The following PTPRO variants were observed in gnomAD, a reference collection of about 807,000 sequenced individuals.
PTPRO encodes receptor-type tyrosine-protein phosphatase O.
In PTPRO, 62 loss-of-function variants were observed where a neutral mutation model predicts 145.2. The ratio of observed to expected loss-of-function variants is 0.43; its 90% confidence interval spans 0.35 to 0.53. The LOEUF (loss-of-function observed/expected upper bound fraction) is 0.53. PTPRO is among the 20% of genes least tolerant of loss of function. PTPRO has a pLI of 0.01. For synonymous variants in PTPRO, 565 were observed against 514.7 expected, an observed-to-expected ratio of 1.10 and a Z score of -1.32; for missense variants, 1,345 against 1,482.7, an observed-to-expected ratio of 0.91 and a Z score of 1.53.
chr12:15,560,809 A>T (rs1943753875), intron 17 of PTPRO, among the ~76,000 whole-genome samples: 1 of 152,116 alleles, frequency 6.6e-6, no homozygotes, highest in Admixed American at 6.6e-5. Flanking sequence ...GTCCCATTTT[A>T]GAAATGTGGA....
chr12:15,332,972 T>C (rs1866655439), intron 1 of PTPRO, among the ~76,000 whole-genome samples: 1 of 152,218 alleles, frequency 6.6e-6, no homozygotes, highest in Non-Finnish European at 1.5e-5. Context: ...TGTTCTGTCC[T>C]CATCCTCCAT....
chr12:15,384,909 G>T (rs928972906), intron 1 of PTPRO, among the ~76,000 whole-genome samples: 1 of 152,102 alleles, frequency 6.6e-6, no homozygotes, highest in South Asian at 2.1e-4. Flanking sequence ...ATTAATGAAC[G>T]CTGAAAGCAT....
intron 1 of PTPRO, among the ~76,000 whole-genome samples, chr12:15,373,269 G>A (rs182700378): frequency 6.6e-6 from 1 of 152,264 alleles, no homozygotes; most frequent in East Asian, 1.9e-4. Flanking sequence ...GATGGTGACA[G>A]CAAATTGTCT....
intron 8 of PTPRO, 81 bp from the exon 9 acceptor site, chr12:15,516,682 T>C: frequency 7.9e-7 from 1 of 1,263,868 alleles, no homozygotes; most frequent in Non-Finnish European, 1.2e-6. Context: ...AAAACTCGGG[T>C]CATTAAGTAG....
At chr12:15,428,877 G>C (rs750083909) in intron 1 of PTPRO, among the ~76,000 whole-genome samples, 1 of 152,038 alleles carries the variant, frequency 6.6e-6, no homozygotes, top group East Asian at 1.9e-4. Flanking sequence ...AGGAGAAGAT[G>C]ATTGCCAAAA....
At chr12:15,419,200 A>T (rs1271383148) in intron 1 of PTPRO, among the ~76,000 whole-genome samples, 1 of 127,278 alleles carries the variant, frequency 7.9e-6, no homozygotes, top group East Asian at 2.3e-4. Flanking sequence ...CTTTTCCTGC[A>T]TTTGTGCCGA....
At chr12:15,469,151 C>T (rs755999170) in intron 1 of PTPRO, among the ~76,000 whole-genome samples, 3 of 152,124 alleles carry the variant, frequency 2.0e-5, no homozygotes, top group Non-Finnish European at 4.4e-5. Flanking sequence ...TCATCCATTC[C>T]GAAATAAATG....
chr12:15,400,398 A>T (rs376108104), intron 1 of PTPRO, among the ~76,000 whole-genome samples: 1 of 152,094 alleles, frequency 6.6e-6, no homozygotes, highest in Non-Finnish European at 1.5e-5. Context: ...CGCTGTGCCT[A>T]TTGTTCCCTG....
At chr12:15,418,172 A>T (rs1206545421) in intron 1 of PTPRO, among the ~76,000 whole-genome samples, 1 of 151,842 alleles carries the variant, frequency 6.6e-6, no homozygotes, top group Non-Finnish European at 1.5e-5. Context: ...CTCCTTGTGG[A>T]CAAGAACTTT....
At chr12:15,475,944 TCTCAG>T (rs1165577695) in intron 1 of PTPRO, among the ~76,000 whole-genome samples, 2 of 152,188 alleles carry the variant, frequency 1.3e-5, no homozygotes, top group African/African-American at 4.8e-5. Flanking sequence ...AATGAGGACA[TCTCAG>T]CTGTTCCAGA....
At chr12:15,419,275 G>A (rs1418395972) in intron 1 of PTPRO, among the ~76,000 whole-genome samples, 2 of 149,558 alleles carry the variant, frequency 1.3e-5, no homozygotes, top group African/African-American at 5.0e-5. Flanking sequence ...GCGGGGGAGG[G>A]GGGCTAATTG....
At chr12:15,447,725 C>T (rs1802555308) in intron 1 of PTPRO, among the ~76,000 whole-genome samples, 1 of 149,208 alleles carries the variant, frequency 6.7e-6, no homozygotes, top group African/African-American at 2.4e-5. Flanking sequence ...GCCAAATTTG[C>T]CATCGATGTG....
chr12:15,334,240 C>A (rs1018217008), intron 1 of PTPRO, among the ~76,000 whole-genome samples: 1 of 152,074 alleles, frequency 6.6e-6, no homozygotes, highest in Non-Finnish European at 1.5e-5. Flanking sequence ...CACATAGATA[C>A]CTCACGGAAA....
At chr12:15,370,433 A>T (rs55867853) in intron 1 of PTPRO, among the ~76,000 whole-genome samples, 27,383 of 152,234 alleles carry the variant, frequency 0.18, 2,912 homozygotes, top group Non-Finnish European at 0.25. Context: ...TTAAAACTGT[A>T]AAATAATTAA....
intron 1 of PTPRO, among the ~76,000 whole-genome samples, chr12:15,471,675 C>T (rs1941545851): frequency 6.6e-6 from 1 of 152,158 alleles, no homozygotes; most frequent in Non-Finnish European, 1.5e-5. Flanking sequence ...GCAAAGGCTC[C>T]TAACTCCTGT....
rs1339604687 is a variant in PTPRO, at chr12:15,322,692, C to G, written c.-35C>G. The G allele has an allele frequency of 1.9e-6, 3 of 1,584,094 alleles. No homozygotes were observed. Among genetic ancestry groups the G allele is most frequent in the Non-Finnish European group, 2.6e-6 (3 of 1,160,454 alleles). ...AGCCGCCGCCGGGGGAGTCCGCTAG[C>G]GCAGCCGTGCCCCCGAGTCCCCGTC... On this transcript the variant is annotated 5_prime_UTR_variant, in exon 1 of 27. Coordinates refer to ENST00000281171, the MANE Select transcript of PTPRO (RefSeq NM_030667.3). This position sits in a 1 kb window ranked among gnomAD's most constrained non-coding sequence, Gnocchi z 6.3.
At chr12:15,379,525 C>A (rs2136272384) in intron 1 of PTPRO, among the ~76,000 whole-genome samples, 1 of 93,110 alleles carries the variant, frequency 1.1e-5, no homozygotes, top group Non-Finnish European at 2.0e-5. Context: ...AGAAAAGCTC[C>A]ATCTCAAAAA....
chr12:15,553,302 T>C (rs902647845), intron 15 of PTPRO, among the ~76,000 whole-genome samples: 2 of 152,128 alleles, frequency 1.3e-5, no homozygotes, highest in African/African-American at 4.8e-5. Flanking sequence ...CCCCTTAAGT[T>C]AGCAGGTGAT....
chr12:15,441,312 A>G (rs777201445), intron 1 of PTPRO, among the ~76,000 whole-genome samples: 8 of 152,220 alleles, frequency 5.3e-5, no homozygotes, highest in Non-Finnish European at 8.8e-5. Context: ...ATAAATGAAA[A>G]CAGAGACACA....
Sources: gnomAD v4.1 joint callset for allele counts (sites outside exome capture counted in the v4.1 genomes callset) on GRCh38, gnomAD v4.1.1 for gene constraint, Gnocchi (gnomAD v3.1) non-coding constraint, MANE v1.5 for transcripts, NCBI Gene and HGNC (gene_info 2026-07-23, HGNC 2026-07-21) for gene names.